The following DPP6 variants were observed in gnomAD, a reference collection of about 807,000 sequenced individuals.
The protein encoded by DPP6 is dipeptidyl peptidase like 6.
In DPP6, 69 loss-of-function variants were observed where a neutral mutation model predicts 122.6. The observed-to-expected ratio is 0.56, with a 90% confidence interval of 0.46 to 0.69. The LOEUF (loss-of-function observed/expected upper bound fraction) is 0.69, where lower values mean the gene tolerates loss of function less well. Among genes scored for constraint, DPP6 ranks in the 30% least tolerant of loss-of-function variants. The pLI is 0.00. For missense variants in DPP6, 928 were observed against 1,116.9 expected, an observed-to-expected ratio of 0.83 and a Z score of 2.41; for synonymous variants, 418 against 433.1, an observed-to-expected ratio of 0.97 and a Z score of 0.43.
the DPP6 span, among the ~76,000 whole-genome samples, chr7:153,801,333 C>T: frequency 3.3e-5 from 5 of 150,782 alleles, 1 homozygote; most frequent in South Asian, 6.4e-4. Flanking sequence ...ATCCTCACAA[C>T]GCAGGGCATA....
the DPP6 span, among the ~76,000 whole-genome samples, chr7:153,840,067 T>C: frequency 1.4e-3 from 206 of 152,328 alleles, 1 homozygote; most frequent in African/African-American, 4.8e-3. Flanking sequence ...GACAGTTTTA[T>C]TGGTTGTAGA....
rs60439249 is a variant in DPP6 at position 154,726,127 on chromosome 7, G to A, written c.763-1640G>A. 3.4e-3 allele frequency among the ~76,000 whole-genome samples: 524 copies of A among 152,278 alleles called. 2 individuals are homozygous for A. Among genetic ancestry groups the A allele is most frequent in the African/African-American group, 0.012 (487 of 41,562 alleles). On this transcript the variant is annotated intron_variant, in intron 7 of 25. Transcript: ENST00000377770. ...TCACAGGGTGGCATTGAGTGCCTGG[G>A]GCTTTTCCAGATGCATGCTGCAAGC... is the stretch of plus-strand genomic sequence containing the variant.
chr7:153,932,256 G>A (rs4725516), intron 1 of DPP6, among the ~76,000 whole-genome samples: 50,521 of 151,578 alleles, frequency 0.33, 8,507 homozygotes, highest in African/African-American at 0.39. Flanking sequence ...GTGTAGCTGG[G>A]ATTATAGGCA....
At chr7:154,803,412 G>A (rs1300351108) in intron 13 of DPP6, among the ~76,000 whole-genome samples, 1 of 152,202 alleles carries the variant, frequency 6.6e-6, no homozygotes, top group Non-Finnish European at 1.5e-5. Context: ...GCAGCAGGGA[G>A]CGCCCTTTCT....
chr7:154,356,897 T>G (rs17174366), intron 1 of DPP6, among the ~76,000 whole-genome samples: 1 of 152,088 alleles, frequency 6.6e-6, no homozygotes, highest in African/African-American at 2.4e-5. Context: ...CGAATTTTGT[T>G]GAAATTTGAC....
chr7:154,297,931 C>T (rs1805649356), intron 1 of DPP6, among the ~76,000 whole-genome samples: 1 of 152,218 alleles, frequency 6.6e-6, no homozygotes, highest in South Asian at 2.1e-4. Flanking sequence ...TAGGTGTCAG[C>T]TTGGCTAGGC....
chr7:154,786,784 CTA>C (rs1797364927), intron 10 of DPP6, among the ~76,000 whole-genome samples: 1 of 152,080 alleles, frequency 6.6e-6, no homozygotes, highest in Non-Finnish European at 1.5e-5. Context: ...AATAATATAT[CTA>C]TGTGTGTGTT....
intron 2 of DPP6, among the ~76,000 whole-genome samples, chr7:154,457,881 A>G (rs1820934377): frequency 5.2e-5 from 1 of 19,134 alleles, no homozygotes; most frequent in Admixed American, 7.3e-4. Flanking sequence ...TAGATGACAC[A>G]TTAGTGGGTG....
the DPP6 span, among the ~76,000 whole-genome samples, chr7:153,873,810 A>G: frequency 2.6e-5 from 4 of 152,232 alleles, no homozygotes; most frequent in Non-Finnish European, 5.9e-5. Flanking sequence ...TTGTGTCTTC[A>G]TGTCCAAAAG....
At chr7:154,761,735 A>G (rs1795572022) in intron 8 of DPP6, among the ~76,000 whole-genome samples, 1 of 151,650 alleles carries the variant, frequency 6.6e-6, no homozygotes, top group African/African-American at 2.4e-5. Flanking sequence ...ATTTTTTATT[A>G]TACTTTAAGT....
At position 154,264,284 on chromosome 7, in the gene DPP6, A is replaced by G. The variant is rs547703562; in HGVS notation, c.244-181930A>G. ...CCACAACATGACATGCATACAATTCATAACAAAGCTTTCAAGCTATGAAAT... is the reference window on the plus strand; with the variant it reads ...CCACAACATGACATGCATACAATTCGTAACAAAGCTTTCAAGCTATGAAAT... On this transcript the variant is annotated intron_variant, in intron 1 of 25. Coordinates refer to ENST00000377770, the MANE Select transcript of DPP6 (RefSeq NM_130797.4). Among the ~76,000 whole-genome samples the G allele has an allele frequency of 3.5e-4, 54 of 152,320 alleles. No homozygotes were observed. The Middle Eastern group carries it at 0.01, about 29-fold the overall frequency.
intron 1 of DPP6, among the ~76,000 whole-genome samples, chr7:153,944,220 T>C (rs1211351077): frequency 6.6e-6 from 1 of 152,222 alleles, no homozygotes; most frequent in Non-Finnish European, 1.5e-5. Context: ...CAGTGTGTGC[T>C]CCGGCCCACC....
rs1199128642 is a variant in DPP6, at chr7:154,618,258, G to A, written c.628-19563G>A. 6.6e-6 allele frequency among the ~76,000 whole-genome samples: 1 copy of A among 152,116 alleles called. No individual in the cohort carries two copies. Among genetic ancestry groups the A allele is most frequent in the African/African-American group, 2.4e-5 (1 of 41,414 alleles). ...TATTTTGCCCCTAATGGGTTTCCAG[G>A]GTCGTGTCCTTTCCCAACCCCTGAG... On this transcript the variant is annotated intron_variant, in intron 5 of 25. Coordinates refer to ENST00000377770, the MANE Select transcript of DPP6 (RefSeq NM_130797.4). The surrounding 1 kb of genome is among the most constrained non-coding windows in gnomAD (Gnocchi z 4.1).
intron 1 of DPP6, among the ~76,000 whole-genome samples, chr7:154,290,222 A>C (rs950716024): frequency 1.3e-5 from 2 of 152,146 alleles, no homozygotes; most frequent in Non-Finnish European, 2.9e-5. Flanking sequence ...ATCAAATTGT[A>C]ATTGGTCAAC....
At position 153,894,446 on chromosome 7, in the gene DPP6, T is replaced by C. The variant is rs542601574; in HGVS notation, c.51+6712T>C. Among the ~76,000 whole-genome samples the C allele has an allele frequency of 1.4e-4, 21 of 152,088 alleles. No individual in the cohort carries two copies. The East Asian group carries it at 3.9e-3, about 28-fold the overall frequency. Reference sequence around the variant, plus strand: ...ACAGGCAGGCAGAACCAAGCAGAATTCCCCCTTTACCATTGTGGCTTCCTG... The same window carrying C: ...ACAGGCAGGCAGAACCAAGCAGAATCCCCCCTTTACCATTGTGGCTTCCTG... On this transcript the variant is annotated intron_variant, in intron 1 of 25. Coordinates refer to the DPP6 transcript ENST00000404039.
chr7:153,803,192 C>T, the DPP6 span, among the ~76,000 whole-genome samples: 28 of 150,986 alleles, frequency 1.9e-4, no homozygotes, highest in Admixed American at 5.3e-4. Flanking sequence ...CATACCCTAG[C>T]CTGGGATATT....
Position 154,446,230 on chromosome 7 carries a change from A to G in DPP6, c.260A>G (p.Asn87Ser). The G allele has an allele frequency of 6.2e-7, 1 of 1,604,228 alleles. No homozygotes were observed. Among genetic ancestry groups the G allele is most frequent in the Non-Finnish European group, 8.5e-7 (1 of 1,175,048 alleles). ...TGTTTTTAGGAGCTGGTGGGGAGTAACCCTCCGCAGAGGAATTGGAAAGGA... is the reference window on the plus strand; with the variant it reads ...TGTTTTTAGGAGCTGGTGGGGAGTAGCCCTCCGCAGAGGAATTGGAAAGGA... ...GDEEDELVGS[N>S]PPQRNWKGIA... Residue 87 changes from asparagine to serine, a missense_variant, in exon 2 of 26, where the codon AAC (asparagine) becomes AGC (serine). Asn to Ser is a conservative substitution (Grantham distance 46). Coordinates refer to ENST00000377770, the MANE Select transcript of DPP6 (RefSeq NM_130797.4).
At chr7:154,185,235 A>G (rs894696333) in intron 1 of DPP6, among the ~76,000 whole-genome samples, 1 of 152,354 alleles carries the variant, frequency 6.6e-6, no homozygotes, top group East Asian at 1.9e-4. Context: ...ATCAGCACCA[A>G]GCTAGCCTAA....
At chr7:154,794,286 G>A (rs1797873098) in intron 11 of DPP6, 84 bp downstream of exon 11, 1 of 1,451,228 alleles carries the variant, frequency 6.9e-7, no homozygotes. Context: ...AGTCGTCTCA[G>A]CCCTCGGGCC....
Sources: gnomAD v4.1 joint callset for allele counts (sites outside exome capture counted in the v4.1 genomes callset) on GRCh38, gnomAD v4.1.1 for gene constraint, Gnocchi (gnomAD v3.1) non-coding constraint, MANE v1.5 for transcripts, NCBI Gene and HGNC (gene_info 2026-07-23, HGNC 2026-07-21) for gene names.